Variants in SYNDIG1L observed in about 807,000 individuals in gnomAD.
SYNDIG1L encodes the protein synapse differentiation inducing 1 like, also known as synapse differentiation-inducing gene protein 1-like.
A neutral mutation model predicts 20.1 loss-of-function variants in SYNDIG1L; 13 were observed. The ratio of observed to expected loss-of-function variants is 0.65; its 90% CI spans 0.42 to 1.03. The LOEUF is 1.03. SYNDIG1L is among the 50% of genes least tolerant of loss of function. The pLI, the probability that SYNDIG1L is intolerant of heterozygous loss-of-function variation, is 0.00. For synonymous variants in SYNDIG1L, 128 were observed against 129.3 expected (o/e 0.99, Z 0.07); for missense variants, 294 against 305.1 (o/e 0.96, Z 0.27).
At chr14:74,416,650 C>A (rs1566583623) in intron 1 of SYNDIG1L, among the ~76,000 whole-genome samples, 1 of 120,854 alleles carries the variant, frequency 8.3e-6, no homozygotes, top group South Asian at 2.9e-4. Flanking sequence ...AAAAACAAAC[C>A]AAACAAACAA....
At chr14:74,414,557 TGA>T (rs1033208326) in intron 1 of SYNDIG1L, among the ~76,000 whole-genome samples, 1 of 152,232 alleles carries the variant, frequency 6.6e-6, no homozygotes, top group African/African-American at 2.4e-5. Flanking sequence ...AGTCTCCTGC[TGA>T]GTCCAATTGC....
At chr14:74,412,159 T>C (rs2086136289) in intron 1 of SYNDIG1L, among the ~76,000 whole-genome samples, 1 of 152,074 alleles carries the variant, frequency 6.6e-6, no homozygotes, top group South Asian at 2.1e-4. Flanking sequence ...TGGATTATAG[T>C]GATGTGGAGG....
At chr14:74,469,026 C>T in the SYNDIG1L span, among the ~76,000 whole-genome samples, 3 of 152,106 alleles carry the variant, frequency 2.0e-5, no homozygotes, top group African/African-American at 7.2e-5. Context: ...CCTTGGGGGT[C>T]ATCCTTCCCA....
chr14:74,476,225 C>T, the SYNDIG1L span: 4 of 585,548 alleles, frequency 6.8e-6, no homozygotes, highest in Admixed American at 3.0e-5. Flanking sequence ...ATTTCTCCAG[C>T]GCTGAGAACA....
At chr14:74,467,621 C>T in the SYNDIG1L span, among the ~76,000 whole-genome samples, 2 of 152,212 alleles carry the variant, frequency 1.3e-5, no homozygotes, top group Admixed American at 6.5e-5. Context: ...AGCAATAAAA[C>T]ACTGGCAAGC....
At chr14:74,460,593 G>A in the SYNDIG1L span, among the ~76,000 whole-genome samples, 1,290 of 152,156 alleles carry the variant, frequency 8.5e-3, 28 homozygotes, top group East Asian at 0.071. Context: ...TTTTCTCCTC[G>A]TATTGACCCT....
At position 74,409,450 on chromosome 14, in the gene SYNDIG1L, C is replaced by G; in HGVS notation, c.295G>C (p.Glu99Gln). The G allele has an allele frequency of 6.2e-7, 1 of 1,613,768 alleles. No homozygotes were observed. Among genetic ancestry groups the G allele is most frequent in the Non-Finnish European group, 8.5e-7 (1 of 1,179,862 alleles). ...TSFTEDREPQ[E>Q]GPPEQPTGPG... ...CCTGTGGGCTGCTCTGGAGGCCCCT[C>G]CTGGGGCTCCCTGTCCTCTGTGAAG... Residue 99 changes from glutamate to glutamine, a missense_variant, in exon 2 of 4, where the codon GAG becomes CAG. Coordinates refer to ENST00000331628, the MANE Select transcript of SYNDIG1L (RefSeq NM_001105579.2).
chr14:74,448,643 C>T, the SYNDIG1L span, among the ~76,000 whole-genome samples: 24 of 152,120 alleles, frequency 1.6e-4, no homozygotes, highest in African/African-American at 5.8e-4. Flanking sequence ...ATAAATCAAT[C>T]TCCATAAATT....
At position 74,406,242 on chromosome 14, in the gene SYNDIG1L, A is replaced by T. The variant is rs1289518769; in HGVS notation, c.*1293T>A. ...GCAGAGATATCAGTGAAGATGCCCC[A>T]GGGGTAACCAGGTACCCACCACTGA... On this transcript the variant is annotated 3_prime_UTR_variant, in exon 4 of 4. Coordinates refer to ENST00000331628, the MANE Select transcript of SYNDIG1L (RefSeq NM_001105579.2). 1 of 396,872 alleles carries T rather than the reference A, an allele frequency of 2.5e-6. No homozygotes were observed. Among genetic ancestry groups the T allele is most frequent in the African/African-American group, 2.1e-5 (1 of 48,612 alleles). 24.6% of individuals were successfully genotyped at this position (396,872 alleles called of 1,614,324 possible). A position where few individuals can be genotyped will look rare whatever the true frequency, so the allele number is the denominator to read the frequency against.
the SYNDIG1L span, among the ~76,000 whole-genome samples, chr14:74,463,075 G>C: frequency 4.6e-5 from 7 of 152,206 alleles, no homozygotes; most frequent in African/African-American, 1.7e-4. Context: ...CTTCTTGAGA[G>C]AGTCGTGCAC....
At chr14:74,460,678 CA>C in the SYNDIG1L span, among the ~76,000 whole-genome samples, 1 of 152,230 alleles carries the variant, frequency 6.6e-6, no homozygotes, top group Non-Finnish European at 1.5e-5. Flanking sequence ...CTTCGGCTCC[CA>C]GGCTGGAGTG....
At chr14:74,441,371 G>T in the SYNDIG1L span, among the ~76,000 whole-genome samples, 1 of 152,192 alleles carries the variant, frequency 6.6e-6, no homozygotes, top group African/African-American at 2.4e-5. Context: ...TGGCAGTGGA[G>T]GTAGGGTGAG....
intron 1 of SYNDIG1L, among the ~76,000 whole-genome samples, chr14:74,420,453 A>G (rs1411072620): frequency 6.6e-6 from 1 of 151,930 alleles, no homozygotes; most frequent in Non-Finnish European, 1.5e-5. Context: ...CTGTGGCAGA[A>G]TTGAAAAGGA....
upstream of SYNDIG1L, among the ~76,000 whole-genome samples, chr14:74,427,118 C>CTTTTT (rs34437070): frequency 3.5e-4 from 41 of 116,780 alleles, no homozygotes; most frequent in African/African-American, 1.0e-3. Context: ...CCTGCGTTTC[C>CTTTTT]TTTTTTTTTT....
the SYNDIG1L span, among the ~76,000 whole-genome samples, chr14:74,473,573 G>A: frequency 1.3e-5 from 2 of 152,100 alleles, no homozygotes; most frequent in African/African-American, 4.8e-5. Flanking sequence ...CCTTTTTGCT[G>A]CCATGGCATT....
At chr14:74,473,143 A>G in the SYNDIG1L span, among the ~76,000 whole-genome samples, 1 of 152,162 alleles carries the variant, frequency 6.6e-6, no homozygotes, top group Admixed American at 6.6e-5. Flanking sequence ...GCACTTTGGG[A>G]GCCCGAGGCG....
chr14:74,424,400 G>A lies in SYNDIG1L; in HGVS notation c.-58+1512C>T, dbSNP rs376892401. On this transcript the variant is annotated intron_variant, in intron 1 of 3. Coordinates refer to ENST00000331628, the MANE Select transcript of SYNDIG1L (RefSeq NM_001105579.2). ...TTCCCTCATTTTACACCCGATTACC[G>A]AGTCCTTACTATCTTCCAGGTGCTG... 1.6e-4 allele frequency among the ~76,000 whole-genome samples: 24 copies of A among 151,976 alleles called. No homozygotes were observed. The South Asian group carries it at 3.3e-3, about 21-fold the overall frequency.
chr14:74,432,783 G>A, the SYNDIG1L span, among the ~76,000 whole-genome samples: 4 of 152,100 alleles, frequency 2.6e-5, no homozygotes, highest in African/African-American at 9.7e-5. Context: ...GAACCCGGGA[G>A]GTGGAGGTTG....
At chr14:74,477,205 TTC>T in the SYNDIG1L span, among the ~76,000 whole-genome samples, 1 of 149,308 alleles carries the variant, frequency 6.7e-6, no homozygotes, top group South Asian at 2.1e-4. Context: ...CTATTTCCTG[TTC>T]TGTCTCTTCC....
Sources: gnomAD v4.1 joint callset for allele counts (sites outside exome capture counted in the v4.1 genomes callset) on GRCh38, gnomAD v4.1.1 for gene constraint, MANE v1.5 for transcripts, NCBI Gene and HGNC (gene_info 2026-07-23, HGNC 2026-07-21) for gene names.